RARB: variants seen among roughly 807,000 people sequenced by gnomAD.
The protein encoded by RARB is retinoic acid receptor beta.
RARB carries 17 observed loss-of-function variants against 51.9 expected under a neutral mutation model. The ratio of observed to expected loss-of-function variants is 0.33; its 90% confidence interval spans 0.22 to 0.49. The LOEUF (loss-of-function observed/expected upper bound fraction) is 0.49. Among genes scored for constraint, RARB ranks in the 20% least tolerant of loss-of-function variants. The pLI is 0.99. For missense variants in RARB, 369 were observed against 550.8 expected (o/e 0.67, Z 3.30); for synonymous variants, 215 against 195.4 (o/e 1.10, Z -0.84).
chr3:25,227,322 T>C (rs1241990758), intron 5 of RARB, among the ~76,000 whole-genome samples: 2 of 152,226 alleles, frequency 1.3e-5, no homozygotes, highest in Non-Finnish European at 2.9e-5. Context: ...GATGTGTTTA[T>C]CCATTCAAAA....
chr3:25,063,829 C>A (rs1287567558), intron 3 of RARB, among the ~76,000 whole-genome samples: 2 of 151,708 alleles, frequency 1.3e-5, no homozygotes. Context: ...ACTGGTAGCT[C>A]CTCTTAGTCC....
chr3:25,578,737 C>T (rs1701049273), intron 4 of RARB, among the ~76,000 whole-genome samples: 1 of 152,212 alleles, frequency 6.6e-6, no homozygotes, highest in Non-Finnish European at 1.5e-5. Flanking sequence ...GCAAAGTTGA[C>T]CACCTTCGTT....
chr3:24,958,264 T>TTTTTTTTG (rs1696063726), intron 2 of RARB, among the ~76,000 whole-genome samples: 1 of 117,554 alleles, frequency 8.5e-6, no homozygotes, highest in African/African-American at 4.1e-5. Flanking sequence ...GGTTTTTTTT[T>TTTTTTTTG]TTTTTTTTTT....
chr3:25,341,377 A>G (rs1705222067), intron 5 of RARB, among the ~76,000 whole-genome samples: 1 of 152,184 alleles, frequency 6.6e-6, no homozygotes, highest in African/African-American at 2.4e-5. Flanking sequence ...ATTGTGAAAT[A>G]CTGAGTAGAA....
At chr3:24,864,417 T>G (rs926296859) in intron 2 of RARB, among the ~76,000 whole-genome samples, 7 of 152,328 alleles carry the variant, frequency 4.6e-5, no homozygotes, top group African/African-American at 1.7e-4. Flanking sequence ...CTTCCTTGCT[T>G]AGGCTCCATG....
intron 2 of RARB, among the ~76,000 whole-genome samples, chr3:24,869,791 T>C (rs1702913708): frequency 6.6e-6 from 1 of 152,130 alleles, no homozygotes; most frequent in Admixed American, 6.6e-5. Flanking sequence ...AACAGAACTT[T>C]AGCAACACTC....
chr3:25,400,222 C>A (rs1707227435), intron 5 of RARB, among the ~76,000 whole-genome samples: 1 of 152,312 alleles, frequency 6.6e-6, no homozygotes, highest in East Asian at 1.9e-4. Flanking sequence ...GAGAGAAGGA[C>A]ACTTCCTTCT....
chr3:25,285,006 T>C (rs1703614751), intron 5 of RARB, among the ~76,000 whole-genome samples: 1 of 152,222 alleles, frequency 6.6e-6, no homozygotes, highest in African/African-American at 2.4e-5. Context: ...TTCATTCTTG[T>C]GTTTGTTCAT....
intron 2 of RARB, among the ~76,000 whole-genome samples, chr3:24,895,851 C>G (rs1347084254): frequency 1.3e-5 from 2 of 152,152 alleles, no homozygotes; most frequent in Non-Finnish European, 2.9e-5. Context: ...TCCAGCACTT[C>G]CACAACCAGG....
chr3:25,494,253 G>GCACACGCGCGCACTCACACACACACA (rs1696900308), intron 2 of RARB, among the ~76,000 whole-genome samples: 4 of 131,852 alleles, frequency 3.0e-5, no homozygotes, highest in Non-Finnish European at 7.0e-5. Flanking sequence ...TGTATCTTAC[G>GCACACGCGCGCACTCACACACACACA]CACACACACA....
intron 2 of RARB, among the ~76,000 whole-genome samples, chr3:24,942,820 G>C (rs1192138874): frequency 6.6e-6 from 1 of 152,022 alleles, no homozygotes; most frequent in African/African-American, 2.4e-5. Context: ...TTAACTTATG[G>C]ATTCAATATC....
At chr3:25,245,506 CA>C (rs993117714) in intron 5 of RARB, among the ~76,000 whole-genome samples, 21 of 152,242 alleles carry the variant, frequency 1.4e-4, no homozygotes, top group African/African-American at 4.8e-4. Flanking sequence ...CTGGTGGTGA[CA>C]AAATCCTTCA....
intron 5 of RARB, among the ~76,000 whole-genome samples, chr3:25,351,259 C>A (rs1041278476): frequency 1.3e-5 from 2 of 151,898 alleles, no homozygotes; most frequent in Non-Finnish European, 2.9e-5. Flanking sequence ...CTTTTTCTTT[C>A]TTTCTTTTCT....
intron 5 of RARB, among the ~76,000 whole-genome samples, chr3:25,372,068 A>G (rs1395471869): frequency 6.6e-6 from 1 of 152,220 alleles, no homozygotes; most frequent in Non-Finnish European, 1.5e-5. Context: ...GAGGAGACCC[A>G]AGAAGCATGT....
chr3:25,346,951 T>C (rs1705413843), intron 5 of RARB, among the ~76,000 whole-genome samples: 1 of 152,216 alleles, frequency 6.6e-6, no homozygotes. Context: ...GGATTGTTCA[T>C]GAGTAGTCTT....
At chr3:25,188,923 G>A (rs1482483413) in intron 5 of RARB, among the ~76,000 whole-genome samples, 2 of 152,130 alleles carry the variant, frequency 1.3e-5, no homozygotes, top group African/African-American at 4.8e-5. Flanking sequence ...GAAACAGGTT[G>A]AAGCCCATTT....
At chr3:24,855,283 A>C (rs1206249133) in intron 1 of RARB, among the ~76,000 whole-genome samples, 3 of 152,210 alleles carry the variant, frequency 2.0e-5, no homozygotes, top group Non-Finnish European at 4.4e-5. Flanking sequence ...GGACATAGAA[A>C]AGGAAAAACA....
intron 3 of RARB, among the ~76,000 whole-genome samples, chr3:25,566,065 T>C (rs1301786981): frequency 6.6e-6 from 1 of 152,196 alleles, no homozygotes; most frequent in Non-Finnish European, 1.5e-5. Flanking sequence ...AAGGGACCAA[T>C]AGTCCCAAGA....
At chr3:24,901,161 A>G (rs972057975) in intron 2 of RARB, among the ~76,000 whole-genome samples, 1 of 152,234 alleles carries the variant, frequency 6.6e-6, no homozygotes, top group Non-Finnish European at 1.5e-5. Flanking sequence ...AACAGTGTCT[A>G]AACATTTTTG....
Sources: allele counts gnomAD v4.1 joint callset (sites outside exome capture counted in the v4.1 genomes callset), GRCh38; gene constraint gnomAD v4.1.1; transcripts MANE v1.5; gene names NCBI Gene and HGNC (gene_info 2026-07-23, HGNC 2026-07-21).